ADAP1: variants seen among roughly 807,000 people sequenced by gnomAD.
ADAP1 encodes the protein arf-GAP with dual PH domain-containing protein 1.
Under a neutral mutation model 54.9 loss-of-function variants are expected in ADAP1, and 31 were observed. The ratio of observed to expected loss-of-function variants is 0.56; its 90% CI spans 0.42 to 0.76. The LOEUF (loss-of-function observed/expected upper bound fraction) is 0.76. Among genes scored for constraint, ADAP1 ranks in the 30% least tolerant of loss-of-function variants. The pLI is 0.00. For synonymous variants in ADAP1, 313 were observed against 202.6 expected (o/e 1.55, Z -4.63); for missense variants, 535 against 512.4 (o/e 1.04, Z -0.42).
At chr7:953,575 G>A (rs965044160) in intron 1 of ADAP1, among the ~76,000 whole-genome samples, 1 of 152,246 alleles carries the variant, frequency 6.6e-6, no homozygotes, top group Non-Finnish European at 1.5e-5. Context: ...GTGTGCCTGG[G>A]GTGGCGGGAC....
intron 4 of ADAP1, among the ~76,000 whole-genome samples, chr7:908,900 C>T (rs1047410772): frequency 1.3e-5 from 2 of 152,066 alleles, no homozygotes; most frequent in Admixed American, 6.5e-5. Flanking sequence ...TCCAGTGTGT[C>T]GGTTCCACAG....
rs374494312 is a variant in ADAP1, at chr7:899,565, C to T, written c.796-75G>A. On this transcript the variant is annotated intron_variant, in intron 8 of 10. Transcript: ENST00000265846. Reference sequence around the variant, plus strand: ...ACATCCAGCTGACCACAGCACACCCCGGAGGGCAGGGCCCAGACTGGCCCG... The same window carrying T: ...ACATCCAGCTGACCACAGCACACCCTGGAGGGCAGGGCCCAGACTGGCCCG... 263 of 1,519,760 alleles carry T rather than the reference C, an allele frequency of 1.7e-4. 1 individual carries two copies. Among genetic ancestry groups the T allele is most frequent in the African/African-American group, 1.0e-3 (74 of 72,538 alleles). The allele number at this position is 1,519,760 out of a possible 1,614,324, so 94.1% of individuals were successfully genotyped here.
At chr7:922,777 G>A (rs944412599) in intron 3 of ADAP1, among the ~76,000 whole-genome samples, 1 of 151,882 alleles carries the variant, frequency 6.6e-6, no homozygotes, top group African/African-American at 2.4e-5. Context: ...TTTTATTACA[G>A]GAAAATAGCC....
At position 898,814 on chromosome 7, in the gene ADAP1, G is replaced by A; in HGVS notation, c.*107C>T. 6.8e-7 allele frequency: 1 copy of A among 1,476,386 alleles called. No individual in the cohort carries two copies. The highest frequency in any genetic ancestry group is 9.2e-7 in the Non-Finnish European group (1 of 1,089,972). The allele number at this position is 1,476,386 out of a possible 1,614,324, so 91.5% of individuals were successfully genotyped here. On this transcript the variant is annotated 3_prime_UTR_variant, in exon 11 of 11. Transcript: ENST00000265846. ...CCTGGCCGCGCCGGGCTGCCCTGAGGAGCAGGTGGGGCCAGGTGGCCTCAG... is the reference window on the plus strand; with the variant it reads ...CCTGGCCGCGCCGGGCTGCCCTGAGAAGCAGGTGGGGCCAGGTGGCCTCAG...
chr7:920,423 C>T lies in ADAP1; in HGVS notation c.306-373G>A, dbSNP rs1275250409. 2.6e-5 allele frequency among the ~76,000 whole-genome samples: 4 copies of T among 151,206 alleles called. No individual in the cohort carries two copies. The highest frequency in any genetic ancestry group is 5.9e-5 in the Non-Finnish European group (4 of 67,730). On this transcript the variant is annotated intron_variant, in intron 3 of 10. Transcript: ENST00000265846. This position sits in a 1 kb window ranked among gnomAD's most constrained non-coding sequence, Gnocchi z 4.5. Reference sequence around the variant, plus strand: ...AGGCCCCCCCACCCCGAGTCACACGCCCCTGGGCCCTCCCCGACCCTCCCC... The same window carrying T: ...AGGCCCCCCCACCCCGAGTCACACGTCCCTGGGCCCTCCCCGACCCTCCCC...
At chr7:919,900 A>ATGGGGGAGGGAGGGAAAGAGC in intron 4 of ADAP1, 68 bp downstream of exon 4, 1 of 855,236 alleles carries the variant, frequency 1.2e-6, no homozygotes, top group Admixed American at 3.4e-5. Flanking sequence ...AGGGAAAGAG[A>ATGGGGGAGGGAGGGAAAGAGC]TGGGGGAGGG....
Position 900,114 on chromosome 7 carries a change from C to A in ADAP1, c.783G>T (p.Lys261Asn). ...RNYLKEGYMEKTGPKQTEGFR... is the reference protein window; with the variant it reads ...RNYLKEGYMENTGPKQTEGFR... ...GCGGCACACCCACCTTGGGCCCCGT[C>A]TTCTCCATGTAGCCTTCCTTCAGGT... is the stretch of plus-strand genomic sequence containing the variant. The change falls in exon 8 of 11, where the codon AAG becomes AAT. Residue 261 changes from lysine to asparagine, a missense_variant. Coordinates refer to ENST00000265846, the MANE Select transcript of ADAP1 (RefSeq NM_006869.4). The A allele has an allele frequency of 6.2e-7, 1 of 1,613,256 alleles. No homozygotes were observed. Among genetic ancestry groups the A allele is most frequent in the Non-Finnish European group, 8.5e-7 (1 of 1,179,952 alleles).
intron 4 of ADAP1, among the ~76,000 whole-genome samples, chr7:913,796 G>A (rs6461873): frequency 0.88 from 133,623 of 152,014 alleles, 59,098 homozygotes; most frequent in East Asian, 0.97. Flanking sequence ...TTAGCCGGGC[G>A]TGGTGGGGGG....
intron 4 of ADAP1, chr7:905,411 G>GGAGAAAGGGAAAGGAGAAA (rs1491487786): frequency 7.6e-6 from 1 of 130,814 alleles, no homozygotes; most frequent in Non-Finnish European, 1.3e-5. Context: ...AAAGGAGAAA[G>GGAGAAAGGGAAAGGAGAAA]GGAGAAAGAG....
chr7:935,930 G>A (rs1846746829), intron 1 of ADAP1, among the ~76,000 whole-genome samples: 1 of 152,214 alleles, frequency 6.6e-6, no homozygotes, highest in Admixed American at 6.5e-5. Context: ...CCAAGATTGG[G>A]AAATTCAGAT....
Position 906,762 on chromosome 7 carries a change from G to GGGACACGGGGGACAT in ADAP1, c.389-1591_389-1590insATGTCCCCCGTGTCC, listed in dbSNP as rs1193452161. Among the ~76,000 whole-genome samples, 6 of 33,372 alleles carry GGGACACGGGGGACAT rather than the reference G, an allele frequency of 1.8e-4. 1 individual carries two copies. Among genetic ancestry groups the GGGACACGGGGGACAT allele is most frequent in the Admixed American group, 9.4e-4 (3 of 3,178 alleles). 21.9% of individuals were successfully genotyped at this position (33,372 alleles called of 152,430 possible). ...CAGAGTACATAGGGGACATGGACAG[G>GGGACACGGGGGACAT]GGACATGGGGGACAGGGGACACGGG... is the stretch of plus-strand genomic sequence containing the variant. On this transcript the variant is annotated intron_variant, in intron 4 of 10. Coordinates refer to ENST00000265846, the MANE Select transcript of ADAP1 (RefSeq NM_006869.4).
chr7:952,559 G>A (rs1393443958), intron 1 of ADAP1, among the ~76,000 whole-genome samples: 1 of 152,162 alleles, frequency 6.6e-6, no homozygotes, highest in East Asian at 1.9e-4. Flanking sequence ...GGGCTAGGCA[G>A]CCCCCTGCCT....
intron 3 of ADAP1, chr7:923,114 G>C (rs1474866958): frequency 6.6e-6 from 1 of 152,134 alleles, no homozygotes; most frequent in East Asian, 1.9e-4. Context: ...CCCCGGAGAG[G>C]CCTCGGGAGA....
At chr7:935,580 CAG>C (rs1472794695) in intron 1 of ADAP1, 75 bp from the exon 2 acceptor site, 1 of 1,524,816 alleles carries the variant, frequency 6.6e-7, no homozygotes, top group African/African-American at 1.4e-5. Flanking sequence ...AGCCTCGAGT[CAG>C]GAGCCCCCGG....
chr7:916,759 G>T (rs367651945), intron 4 of ADAP1, among the ~76,000 whole-genome samples: 2 of 152,178 alleles, frequency 1.3e-5, no homozygotes, highest in South Asian at 4.1e-4. Context: ...TGGGGGTTGG[G>T]GGGGCAGGAG....
At chr7:906,723 C>CAT (rs1437279765) in intron 4 of ADAP1, among the ~76,000 whole-genome samples, 2 of 18,456 alleles carry the variant, frequency 1.1e-4, no homozygotes. Flanking sequence ...ACATCGGGGA[C>CAT]GGGACATGGG....
intron 3 of ADAP1, among the ~76,000 whole-genome samples, chr7:925,771 G>A (rs189541780): frequency 6.6e-4 from 101 of 152,334 alleles, no homozygotes; most frequent in African/African-American, 2.3e-3. Context: ...CCCAAACCCT[G>A]CACCCAGCTC....
Position 899,045 on chromosome 7 carries a change from G to A in ADAP1, c.1084C>T (p.Gln362Ter). 2 of 1,608,938 alleles carry A rather than the reference G, an allele frequency of 1.2e-6. No individual in the cohort carries two copies. Among genetic ancestry groups the A allele is most frequent in the Non-Finnish European group, 1.7e-6 (2 of 1,179,880 alleles). The change falls in exon 10 of 11, where the codon CAG becomes TAG. Residue 362 changes from glutamine (Q) to a stop codon, truncating the protein, a stop_gained. Transcript: ENST00000265846. LOFTEE classifies it high-confidence loss of function. ...QKAVDRPMLP[Q>*]EYAVEAHFKH... ...CCGCCCCCCTCACCTGCGTACTCCT[G>A]GGGCAGCATGGGCCTGTCCACCGCC...
intron 3 of ADAP1, among the ~76,000 whole-genome samples, chr7:924,296 A>T (rs141970242): frequency 0.029 from 1,244 of 42,584 alleles, no homozygotes; most frequent in Non-Finnish European, 0.038. Context: ...CAGGTTACAC[A>T]GCGGGTCCAC....
Sources: gnomAD v4.1 joint callset for allele counts (sites outside exome capture counted in the v4.1 genomes callset) on GRCh38, gnomAD v4.1.1 for gene constraint, Gnocchi (gnomAD v3.1) non-coding constraint, MANE v1.5 for transcripts, NCBI Gene and HGNC (gene_info 2026-07-23, HGNC 2026-07-21) for gene names.